The following FILIP1L variants were observed in gnomAD, a reference collection of about 807,000 sequenced individuals.
FILIP1L encodes the protein filamin A-interacting protein 1-like.
Under a neutral mutation model 96.6 loss-of-function variants are expected in FILIP1L, and 55 were observed. The ratio of observed to expected loss-of-function variants is 0.57; its 90% CI spans 0.46 to 0.71. The LOEUF (loss-of-function observed/expected upper bound fraction) is 0.71, where lower values mean the gene tolerates loss of function less well. Ranked by LOEUF, FILIP1L falls within the 30% of genes least tolerant of loss-of-function variation. FILIP1L has a pLI of 0.00. For synonymous variants in FILIP1L, 467 were observed against 473.9 expected (o/e 0.99, Z 0.19); for missense variants, 1,304 against 1,321.2 (o/e 0.99, Z 0.20).
intron 5 of FILIP1L, among the ~76,000 whole-genome samples, chr3:99,839,223 A>G (rs1417810320): frequency 6.6e-6 from 1 of 152,144 alleles, no homozygotes; most frequent in Non-Finnish European, 1.5e-5. Flanking sequence ...CTGTCTATAT[A>G]GTTCCTTCTC....
intron 1 of FILIP1L, chr3:100,109,903 A>ACCGCCCCCCCCCCCCC (rs1491348077): frequency 1.4e-5 from 1 of 72,322 alleles, no homozygotes; most frequent in Admixed American, 1.6e-4. Context: ...TTCTTTTATG[A>ACCGCCCCCCCCCCCCC]CCCCCCCCCC....
At position 99,930,986 on chromosome 3, in the gene FILIP1L, G is replaced by A. The variant is rs748943559; in HGVS notation, c.35C>T (p.Ala12Val). 2.0e-5 allele frequency: 33 copies of A among 1,613,528 alleles called. No homozygotes were observed. Among genetic ancestry groups the A allele is most frequent in the Non-Finnish European group, 2.8e-5 (33 of 1,179,902 alleles). ...AGTATGTCTTGGAAATTTCTTTTGG[G>A]CTGAGCCCTCGGTATCACTGCCTCT... is the stretch of plus-strand genomic sequence containing the variant. ...RSRGSDTEGS[A>V]QKKFPRHTKG... Residue 12 changes from alanine to valine, a missense_variant, in exon 2 of 6, where the codon GCC becomes GTC. Coordinates refer to ENST00000477258, the MANE Select transcript of FILIP1L (RefSeq NM_001387850.1).
chr3:99,834,396 G>T (rs1217529926), intron 5 of FILIP1L, among the ~76,000 whole-genome samples: 1 of 152,124 alleles, frequency 6.6e-6, no homozygotes, highest in Non-Finnish European at 1.5e-5. Flanking sequence ...ATGGTTTGTG[G>T]TTGTACCTAG....
At chr3:100,061,971 C>G (rs2065574445) in intron 1 of FILIP1L, among the ~76,000 whole-genome samples, 1 of 152,038 alleles carries the variant, frequency 6.6e-6, no homozygotes, top group Non-Finnish European at 1.5e-5. Flanking sequence ...GCAACCAAGA[C>G]TACTACCCAT....
At chr3:100,099,670 A>T (rs978319523) in intron 1 of FILIP1L, among the ~76,000 whole-genome samples, 1 of 152,184 alleles carries the variant, frequency 6.6e-6, no homozygotes, top group Non-Finnish European at 1.5e-5. Flanking sequence ...TAAATATACC[A>T]TGTTATTCAT....
At chr3:100,029,256 AT>A (rs1443034757) in intron 1 of FILIP1L, among the ~76,000 whole-genome samples, 2 of 151,868 alleles carry the variant, frequency 1.3e-5, no homozygotes, top group Admixed American at 1.3e-4. Flanking sequence ...AAATATTAAA[AT>A]TAATTTTAAA....
At chr3:100,024,063 G>T (rs757579062) in intron 1 of FILIP1L, among the ~76,000 whole-genome samples, 1 of 152,108 alleles carries the variant, frequency 6.6e-6, no homozygotes, top group African/African-American at 2.4e-5. Flanking sequence ...AGTAGTGTCT[G>T]TGTGTCCCTT....
At chr3:99,908,781 A>C (rs1706700995) in intron 4 of FILIP1L, among the ~76,000 whole-genome samples, 1 of 152,186 alleles carries the variant, frequency 6.6e-6, no homozygotes, top group Non-Finnish European at 1.5e-5. Flanking sequence ...TATTATCACT[A>C]ATTATCAAGT....
chr3:100,069,676 G>A (rs760244503), intron 1 of FILIP1L, among the ~76,000 whole-genome samples: 2 of 152,144 alleles, frequency 1.3e-5, no homozygotes, highest in Non-Finnish European at 2.9e-5. Context: ...TTGCCTATCA[G>A]GAAATGTCGT....
intron 1 of FILIP1L, among the ~76,000 whole-genome samples, chr3:99,990,301 G>T (rs2107129221): frequency 6.6e-6 from 1 of 152,222 alleles, no homozygotes; most frequent in South Asian, 2.1e-4. Context: ...TGAACCAGAA[G>T]CCACAGATTG....
chr3:100,053,053 C>A (rs1265120031), intron 1 of FILIP1L, among the ~76,000 whole-genome samples: 2 of 152,190 alleles, frequency 1.3e-5, no homozygotes, highest in Non-Finnish European at 2.9e-5. Flanking sequence ...TTTCTATTCT[C>A]TCCTGAAACA....
At chr3:99,895,782 A>G (rs17338680) in intron 4 of FILIP1L, among the ~76,000 whole-genome samples, 11,966 of 152,224 alleles carry the variant, frequency 0.079, 554 homozygotes, top group Admixed American at 0.11. Flanking sequence ...TTGACTCAGG[A>G]CAATACCCTA....
chr3:99,889,898 A>T (rs1297186437), intron 4 of FILIP1L, among the ~76,000 whole-genome samples: 2 of 152,108 alleles, frequency 1.3e-5, no homozygotes, highest in Admixed American at 6.6e-5. Context: ...TTCTAACTTT[A>T]ATTCCATAGG....
At chr3:99,915,392 G>T (rs1161890224) in intron 4 of FILIP1L, among the ~76,000 whole-genome samples, 2 of 152,124 alleles carry the variant, frequency 1.3e-5, no homozygotes, top group East Asian at 3.9e-4. Context: ...CTTAGAGTGG[G>T]AATATTTGAT....
chr3:99,834,551 A>T (rs1383670833), intron 5 of FILIP1L, among the ~76,000 whole-genome samples: 1 of 152,176 alleles, frequency 6.6e-6, no homozygotes, highest in East Asian at 1.9e-4. Context: ...ATGTAGCAAT[A>T]CTTTGTTAAA....
chr3:100,106,569 G>A lies in FILIP1L; in HGVS notation c.-11+7484C>T, dbSNP rs537311708. Among the ~76,000 whole-genome samples, 91 of 152,278 alleles carry A rather than the reference G, an allele frequency of 6.0e-4. 1 individual carries two copies. Among genetic ancestry groups the A allele is most frequent in the African/African-American group, 1.5e-3 (62 of 41,566 alleles). ...TTGAGAGCTGGAGAATGATTTCTTA[G>A]TTGAAAAAGATCTGCCTTCATGTGT... On this transcript the variant is annotated intron_variant, in intron 1 of 5. Transcript: ENST00000477258.
chr3:99,911,659 G>A, intron 4 of FILIP1L, among the ~76,000 whole-genome samples: 1 of 152,104 alleles, frequency 6.6e-6, no homozygotes, highest in Admixed American at 6.6e-5. Flanking sequence ...GCTAATTGCT[G>A]CCTGCTGGGA....
intron 1 of FILIP1L, among the ~76,000 whole-genome samples, chr3:100,028,218 T>A (rs1168184397): frequency 6.6e-6 from 1 of 152,212 alleles, no homozygotes; most frequent in East Asian, 1.9e-4. Flanking sequence ...ATCCCAGTTT[T>A]GCAGATGAGG....
At chr3:99,837,691 G>T (rs1291552115) in intron 5 of FILIP1L, among the ~76,000 whole-genome samples, 1 of 152,154 alleles carries the variant, frequency 6.6e-6, no homozygotes, top group African/African-American at 2.4e-5. Context: ...TTCTGACCTG[G>T]GAAGATACAT....
Sources: gnomAD v4.1 joint callset for allele counts (sites outside exome capture counted in the v4.1 genomes callset) on GRCh38, gnomAD v4.1.1 for gene constraint, MANE v1.5 for transcripts, NCBI Gene and HGNC (gene_info 2026-07-23, HGNC 2026-07-21) for gene names.